The following BSDC1 variants were observed in gnomAD, a reference collection of about 807,000 sequenced individuals.
The protein encoded by BSDC1 is BSD domain-containing protein 1.
Under a neutral mutation model 56.0 loss-of-function variants are expected in BSDC1, and 29 were observed. The observed-to-expected ratio is 0.52, with a 90% confidence interval of 0.39 to 0.71. The LOEUF is 0.71. BSDC1 is among the 30% of genes least tolerant of loss of function. The pLI, the probability that BSDC1 is intolerant of heterozygous loss-of-function variation, is 0.00. For missense variants in BSDC1, 477 were observed against 548.5 expected, an observed-to-expected ratio of 0.87 and a Z score of 1.30; for synonymous variants, 210 against 215.3, an observed-to-expected ratio of 0.98 and a Z score of 0.21.
At chr1:32,368,047 T>TTC in intron 10 of BSDC1, 1 of 1,173,846 alleles carries the variant, frequency 8.5e-7, no homozygotes, top group Non-Finnish European at 1.1e-6. Flanking sequence ...TTTTTTTTTT[T>TTC]CAAAAACAGA....
intron 2 of BSDC1, among the ~76,000 whole-genome samples, chr1:32,391,457 G>A (rs1642861974): frequency 2.0e-5 from 3 of 152,310 alleles, no homozygotes; most frequent in Middle Eastern, 6.8e-3. Context: ...GGGAGGAGAA[G>A]CAAATTGGAG....
Position 32,375,347 on chromosome 1 carries a change from T to C in BSDC1, c.1156+915A>G, listed in dbSNP as rs570433031. On this transcript the variant is annotated intron_variant, in intron 9 of 10. Transcript: ENST00000455895. ...CACCAGCAGGCCAGGCCTTACCTGC[T>C]GGGCAAGCTTTGTGGCTGTGGCTGG... is the stretch of plus-strand genomic sequence containing the variant. Among the ~76,000 whole-genome samples, 515 of 150,434 alleles carry C rather than the reference T, an allele frequency of 3.4e-3. 1 individual carries two copies. Among genetic ancestry groups the C allele is most frequent in the African/African-American group, 0.012 (483 of 40,838 alleles).
intron 9 of BSDC1, among the ~76,000 whole-genome samples, chr1:32,373,807 G>C (rs1402870222): frequency 1.3e-5 from 2 of 152,188 alleles, no homozygotes; most frequent in African/African-American, 2.4e-5. Context: ...ATAGGTGTGA[G>C]CCACTGTGCC....
At position 32,367,692 on chromosome 1, in the gene BSDC1, G is replaced by A. The variant is rs550830880; in HGVS notation, c.1260+755C>T. 4 of 985,366 alleles carry A rather than the reference G, an allele frequency of 4.1e-6. No homozygotes were observed. The Admixed American group carries it at 1.8e-4, about 45-fold the overall frequency. The allele number at this position is 985,366 out of a possible 1,614,324, so 61.0% of individuals were successfully genotyped here. Reference sequence around the variant, plus strand: ...CTAAATGAGCCACTTTTGATTCTGAGAGGTAGTGAAGAATAACAGTACTAA... The same window carrying A: ...CTAAATGAGCCACTTTTGATTCTGAAAGGTAGTGAAGAATAACAGTACTAA... On this transcript the variant is annotated intron_variant, in intron 10 of 10. Coordinates refer to ENST00000455895, the MANE Select transcript of BSDC1 (RefSeq NM_018045.8).
intron 4 of BSDC1, 53 bp from the exon 5 acceptor site, chr1:32,381,321 A>G: frequency 1.9e-6 from 3 of 1,556,630 alleles, no homozygotes; most frequent in Non-Finnish European, 2.6e-6. Flanking sequence ...TGGGCATAGA[A>G]AGCACCCTTT....
At position 32,364,931 on chromosome 1, in the gene BSDC1, C is replaced by T. The variant is rs1057199047; in HGVS notation, c.*1691G>A. On this transcript the variant is annotated 3_prime_UTR_variant, in exon 11 of 11. Coordinates refer to ENST00000455895, the MANE Select transcript of BSDC1 (RefSeq NM_018045.8). ...CCTTGTCCCAGTGAGAGGCCTGTTGCGAGCCCTGACCCTTTCTCATCCCAA... is the reference window on the plus strand; with the variant it reads ...CCTTGTCCCAGTGAGAGGCCTGTTGTGAGCCCTGACCCTTTCTCATCCCAA... Among the ~76,000 whole-genome samples, 1 of 152,152 alleles carries T rather than the reference C, an allele frequency of 6.6e-6. No individual in the cohort carries two copies. The highest frequency in any genetic ancestry group is 1.5e-5 in the Non-Finnish European group (1 of 68,034).
intron 9 of BSDC1, among the ~76,000 whole-genome samples, chr1:32,371,589 C>T (rs891325790): frequency 1.3e-5 from 2 of 152,010 alleles, no homozygotes; most frequent in Non-Finnish European, 2.9e-5. Flanking sequence ...AGATTACAAG[C>T]GTGAGCCACC....
Position 32,365,192 on chromosome 1 carries a change from A to G in BSDC1, c.*1430T>C, listed in dbSNP as rs1376300859. The G allele has an allele frequency of 6.6e-6, 1 of 152,210 alleles. No individual in the cohort carries two copies. The highest frequency in any genetic ancestry group is 1.5e-5 in the Non-Finnish European group (1 of 68,026). The allele number at this position is 152,210 out of a possible 1,614,324, so 9.4% of individuals were successfully genotyped here. ...GTTCTTTTTTCTTTCTTTTTTAATT[A>G]TAAAACTAACAGCTGTTAGAATCTT... On this transcript the variant is annotated 3_prime_UTR_variant, in exon 11 of 11. Transcript: ENST00000455895.
At chr1:32,388,856 T>C (rs1642760781) in intron 2 of BSDC1, among the ~76,000 whole-genome samples, 1 of 152,222 alleles carries the variant, frequency 6.6e-6, no homozygotes, top group South Asian at 2.1e-4. Flanking sequence ...GGAAAACTCC[T>C]GTTCATCCTC....
At position 32,386,797 on chromosome 1, in the gene BSDC1, C is replaced by T. The variant is rs1553165228; in HGVS notation, c.171G>A (p.Val57=). The T allele has an allele frequency of 1.9e-6, 3 of 1,612,844 alleles. No homozygotes were observed. Among genetic ancestry groups the T allele is most frequent in the Admixed American group, 3.3e-5 (2 of 59,992 alleles). Residue 57 remains valine (V), a synonymous_variant, in exon 3 of 11, where the codon GTG becomes GTA. Transcript: ENST00000455895. The part of the protein sequence containing the change: ...TACTIAATAS[V]VKEKLATEGS... ...TACTCACAGCCAGCTTCTCCTTGAC[C>T]ACGCTGGCCGTGGCTGCGATGGTAC...
intron 9 of BSDC1, among the ~76,000 whole-genome samples, chr1:32,373,226 GGTT>G (rs1413334932): frequency 6.6e-6 from 1 of 152,128 alleles, no homozygotes; most frequent in Non-Finnish European, 1.5e-5. Context: ...ACCTGACTAC[GGTT>G]GTTTCTTGTG....
At chr1:32,370,036 G>T (rs1373607598) in intron 9 of BSDC1, among the ~76,000 whole-genome samples, 7 of 152,328 alleles carry the variant, frequency 4.6e-5, no homozygotes, top group Admixed American at 4.6e-4. Flanking sequence ...GGAGTGCAGT[G>T]GCGCGATCCT....
intron 10 of BSDC1, chr1:32,368,200 A>G: frequency 1.4e-6 from 2 of 1,442,206 alleles, no homozygotes; most frequent in Non-Finnish European, 1.8e-6. Context: ...GCAGTTTCTC[A>G]GGCAATTTTG....
At chr1:32,392,509 A>G (rs1642901697) in intron 2 of BSDC1, among the ~76,000 whole-genome samples, 1 of 151,768 alleles carries the variant, frequency 6.6e-6, no homozygotes, top group Non-Finnish European at 1.5e-5. Context: ...CCAACTATCT[A>G]TTTTTCATAA....
In BSDC1 at chr1:32,394,100, A is replaced by G; in HGVS notation, c.52T>C (p.Tyr18His). 6.2e-7 allele frequency: 1 copy of G among 1,610,442 alleles called. No individual in the cohort carries two copies. The highest frequency in any genetic ancestry group is 1.1e-5 in the South Asian group (1 of 90,480). Residue 18 changes from tyrosine to histidine, a missense_variant, in exon 2 of 11, where the codon TAC becomes CAC. By Grantham distance (83) the Tyr-to-His change is moderately conservative. Transcript: ENST00000455895. ...CTTACCTTCTCTTTGACTGCTTGGTAGCTCTGCTGCAGCCAGCTCCGCCAC... is the reference window on the plus strand; with the variant it reads ...CTTACCTTCTCTTTGACTGCTTGGTGGCTCTGCTGCAGCCAGCTCCGCCAC... ...GWWRSWLQQS[Y>H]QAVKEKSSEA... is the part of the protein sequence containing the mutation.
chr1:32,393,727 T>G, intron 2 of BSDC1: 1 of 291,650 alleles, frequency 3.4e-6, no homozygotes, highest in Non-Finnish European at 6.5e-6. Context: ...ACTATACGAG[T>G]AAGTTTTTTT....
chr1:32,388,698 T>G (rs981834027), intron 2 of BSDC1, among the ~76,000 whole-genome samples: 1 of 152,196 alleles, frequency 6.6e-6, no homozygotes, highest in South Asian at 2.1e-4. Flanking sequence ...TTCACTGAGC[T>G]CCAGCTGGCC....
intron 2 of BSDC1, among the ~76,000 whole-genome samples, chr1:32,390,317 TGTGA>T (rs1483000516): frequency 2.6e-5 from 4 of 151,950 alleles, no homozygotes. Flanking sequence ...AATAGAAAAA[TGTGA>T]GTAAGGACAA....
chr1:32,385,047 G>C (rs975455616), intron 3 of BSDC1, among the ~76,000 whole-genome samples: 1 of 152,184 alleles, frequency 6.6e-6, no homozygotes, highest in East Asian at 1.9e-4. Context: ...CTCATTTTTT[G>C]TAACATGAGT....
Sources: allele counts gnomAD v4.1 joint callset (sites outside exome capture counted in the v4.1 genomes callset), GRCh38; gene constraint gnomAD v4.1.1; transcripts MANE v1.5; gene names NCBI Gene and HGNC (gene_info 2026-07-23, HGNC 2026-07-21).